Variants in RIMS2 observed in about 807,000 individuals in gnomAD.
The protein encoded by RIMS2 is regulating synaptic membrane exocytosis protein 2.
RIMS2 carries 59 observed loss-of-function variants against 174.4 expected under a neutral mutation model. The observed-to-expected ratio is 0.34, with a 90% confidence interval of 0.27 to 0.42. The LOEUF (loss-of-function observed/expected upper bound fraction) is 0.42, where lower values mean the gene tolerates loss of function less well. RIMS2 is among the 10% of genes least tolerant of loss of function. The pLI, the probability that RIMS2 is intolerant of heterozygous loss-of-function variation, is 1.00. For synonymous variants in RIMS2, 606 were observed against 572.5 expected, an observed-to-expected ratio of 1.06 and a Z score of -0.84; for missense variants, 1,620 against 1,666.3, an observed-to-expected ratio of 0.97 and a Z score of 0.48.
chr8:103,599,462 A>G (rs1404307057), intron 1 of RIMS2, among the ~76,000 whole-genome samples: 1 of 149,688 alleles, frequency 6.7e-6, no homozygotes. Context: ...TCTTTGAGAC[A>G]AGATCTCACT....
intron 1 of RIMS2, among the ~76,000 whole-genome samples, chr8:103,514,920 A>G (rs919916125): frequency 2.2e-4 from 34 of 151,508 alleles, no homozygotes; most frequent in African/African-American, 8.0e-4. Context: ...AACAACAACA[A>G]AAAAACAAAA....
rs5893676 is a variant in RIMS2, at chr8:104,079,598, GATATATATATATATATATATATAT to G, written c.3334+65004_3334+65027del. On this transcript the variant is annotated intron_variant, in intron 19 of 23. Coordinates refer to ENST00000504942, the Ensembl canonical transcript of RIMS2. ...TCACATAACTGAAAGGATTAAGCATGATATATATATATATATATATATATATATATATATATATATATATGAAGT... is the reference window on the plus strand; with the variant it reads ...TCACATAACTGAAAGGATTAAGCATGATATATATATATATATATATGAAGT... Among the ~76,000 whole-genome samples the G allele has an allele frequency of 1.2e-3, 62 of 51,000 alleles. 1 individual carries two copies. The highest frequency in any genetic ancestry group is 1.8e-3 in the African/African-American group (26 of 14,204). 33.5% of individuals were successfully genotyped at this position (51,000 alleles called of 152,430 possible).
chr8:104,236,724 T>C (rs1261404281), intron 19 of RIMS2, among the ~76,000 whole-genome samples: 1 of 152,082 alleles, frequency 6.6e-6, no homozygotes, highest in Non-Finnish European at 1.5e-5. Flanking sequence ...GAAAAGTAGT[T>C]AGAAATGTAA....
intron 1 of RIMS2, among the ~76,000 whole-genome samples, chr8:103,667,208 A>G (rs2096682206): frequency 6.6e-6 from 1 of 152,210 alleles, no homozygotes; most frequent in Non-Finnish European, 1.5e-5. Context: ...TGTATGTGTC[A>G]TGTGCAACAA....
chr8:103,522,892 T>C (rs1201707758), intron 1 of RIMS2, among the ~76,000 whole-genome samples: 1 of 152,106 alleles, frequency 6.6e-6, no homozygotes, highest in Non-Finnish European at 1.5e-5. Context: ...GCCTGACACA[T>C]AGTAGGTGTA....
At chr8:103,744,578 C>T (rs1227224482) in intron 2 of RIMS2, among the ~76,000 whole-genome samples, 1 of 152,060 alleles carries the variant, frequency 6.6e-6, no homozygotes, top group Non-Finnish European at 1.5e-5. Flanking sequence ...GTTATATGTA[C>T]CCTACTCATA....
chr8:103,872,117 G>A (rs1300707110), intron 3 of RIMS2, among the ~76,000 whole-genome samples: 1 of 152,202 alleles, frequency 6.6e-6, no homozygotes, highest in Non-Finnish European at 1.5e-5. Context: ...TTTCTGTGGT[G>A]TCAGTATCCA....
chr8:103,896,917 T>C (rs545216937), intron 4 of RIMS2, among the ~76,000 whole-genome samples: 1 of 151,604 alleles, frequency 6.6e-6, no homozygotes, highest in East Asian at 1.9e-4. Context: ...ACTCCTACAA[T>C]ATTCTATTTG....
chr8:104,037,992 A>G (rs943264934), intron 19 of RIMS2, among the ~76,000 whole-genome samples: 1 of 152,104 alleles, frequency 6.6e-6, no homozygotes, highest in African/African-American at 2.4e-5. Flanking sequence ...AACATGCTGT[A>G]CAGGTTTGTA....
At position 104,074,913 on chromosome 8, in the gene RIMS2, A is replaced by G. The variant is rs143670735; in HGVS notation, c.3334+60298A>G. On this transcript the variant is annotated intron_variant, in intron 19 of 23. Transcript: ENST00000504942. Reference sequence around the variant, plus strand: ...AACTAAGACCACGTTTATAAAAGGCAAGTTTTAAAATGTAGATTAGATAGC... The same window carrying G: ...AACTAAGACCACGTTTATAAAAGGCGAGTTTTAAAATGTAGATTAGATAGC... 9.4e-3 allele frequency among the ~76,000 whole-genome samples: 1,429 copies of G among 152,260 alleles called. 24 individuals carry two copies. Among genetic ancestry groups the G allele is most frequent in the African/African-American group, 0.032 (1,340 of 41,556 alleles).
intron 1 of RIMS2, among the ~76,000 whole-genome samples, chr8:103,522,917 G>A (rs1563630344): frequency 6.6e-6 from 1 of 152,120 alleles, no homozygotes; most frequent in South Asian, 2.1e-4. Context: ...ATGAATTAAT[G>A]AAGGAGTTAA....
intron 2 of RIMS2, among the ~76,000 whole-genome samples, chr8:103,764,146 T>G (rs2098141586): frequency 6.6e-6 from 1 of 152,184 alleles, no homozygotes; most frequent in South Asian, 2.1e-4. Context: ...TTAAGTAACC[T>G]GCTTACCTTG....
At chr8:103,557,088 G>A (rs541899474) in intron 1 of RIMS2, among the ~76,000 whole-genome samples, 55 of 152,232 alleles carry the variant, frequency 3.6e-4, no homozygotes, top group African/African-American at 1.2e-3. Flanking sequence ...CTTCTGATTC[G>A]GGAGAATTAA....
At chr8:103,611,226 C>T (rs890059587) in intron 1 of RIMS2, among the ~76,000 whole-genome samples, 2 of 151,990 alleles carry the variant, frequency 1.3e-5, no homozygotes, top group African/African-American at 4.8e-5. Context: ...TTTCATTCCC[C>T]TGTTTTAAAA....
chr8:103,806,186 CT>C (rs1475312299), intron 3 of RIMS2, among the ~76,000 whole-genome samples: 7 of 152,004 alleles, frequency 4.6e-5, no homozygotes, highest in Non-Finnish European at 1.0e-4. Context: ...TGCAATATTT[CT>C]TTTTTCTGTC....
At chr8:103,766,335 G>T (rs755533991) in exon 3 of RIMS2, 5 of 1,613,352 alleles carry the variant, frequency 3.1e-6, no homozygotes, top group Non-Finnish European at 4.2e-6. Context: ...TGATCAAAAG[G>T]TTCTTCGAGG....
At chr8:103,826,800 G>C (rs1419409386) in intron 3 of RIMS2, among the ~76,000 whole-genome samples, 4 of 151,046 alleles carry the variant, frequency 2.6e-5, no homozygotes, top group African/African-American at 7.3e-5. Context: ...TTCTTCCTCA[G>C]CCTCCCAGTA....
chr8:103,991,193 A>T (rs1410507978), intron 17 of RIMS2, among the ~76,000 whole-genome samples: 1 of 151,670 alleles, frequency 6.6e-6, no homozygotes, highest in South Asian at 2.1e-4. Context: ...ATGTTCATAT[A>T]ATTATTTTCT....
intron 3 of RIMS2, among the ~76,000 whole-genome samples, chr8:103,793,625 A>G (rs2098522167): frequency 6.6e-6 from 1 of 152,310 alleles, no homozygotes; most frequent in South Asian, 2.1e-4. Context: ...CAATTAGGAA[A>G]ATAGGAAGTC....
Sources: allele counts gnomAD v4.1 joint callset (sites outside exome capture counted in the v4.1 genomes callset), GRCh38; gene constraint gnomAD v4.1.1; transcripts MANE v1.5; gene names NCBI Gene and HGNC (gene_info 2026-07-23, HGNC 2026-07-21).